The following ARHGAP26 variants were observed in gnomAD, a reference collection of about 807,000 sequenced individuals.
ARHGAP26 encodes Rho GTPase activating protein 26.
Under a neutral mutation model 104.8 loss-of-function variants are expected in ARHGAP26, and 38 were observed. The observed-to-expected ratio is 0.36, with a 90% CI of 0.28 to 0.48. ARHGAP26 has a LOEUF of 0.48. ARHGAP26 is among the 20% of genes least tolerant of loss of function. ARHGAP26 has a pLI of 0.99. For missense variants in ARHGAP26, 704 were observed against 947.9 expected (o/e 0.74, Z 3.38); for synonymous variants, 341 against 340.0 (o/e 1.00, Z -0.03).
intron 17 of ARHGAP26, among the ~76,000 whole-genome samples, chr5:143,100,425 A>G (rs1793051117): frequency 6.6e-6 from 1 of 152,222 alleles, no homozygotes. Context: ...TTGGCACCAT[A>G]AATCCTGGTA....
chr5:142,866,320 G>A (rs1754273296), intron 1 of ARHGAP26, among the ~76,000 whole-genome samples: 1 of 152,150 alleles, frequency 6.6e-6, no homozygotes, highest in Non-Finnish European at 1.5e-5. Context: ...TGGAGTCAGA[G>A]AGACCAAGTT....
intron 20 of ARHGAP26, among the ~76,000 whole-genome samples, chr5:143,165,776 G>A (rs1380545704): frequency 6.6e-6 from 1 of 152,164 alleles, no homozygotes; most frequent in African/African-American, 2.4e-5. Flanking sequence ...TGCATGATGT[G>A]TATTATTTAT....
chr5:142,926,831 C>T (rs532817077), intron 10 of ARHGAP26, among the ~76,000 whole-genome samples: 6 of 152,258 alleles, frequency 3.9e-5, no homozygotes, highest in African/African-American at 1.4e-4. Flanking sequence ...CCATACTTAC[C>T]ATCCTGTTCC....
Position 143,134,030 on chromosome 5 carries a change from A to C in ARHGAP26, c.1762A>C (p.Ser588Arg). Residue 588 changes from serine to arginine, a missense_variant, in exon 19 of 23, where the codon AGC (serine) becomes CGC (arginine). By Grantham distance (110) the Ser-to-Arg change is moderately radical. This residue lies in a region of ARHGAP26 where 217 missense variants were observed against 242.6 expected (regional missense o/e 0.89). Transcript: ENST00000645722. ...CCAGCTGCACCTGTCTCGGAAGAAG[A>C]GCAGTGACTCCAAGCCCCCGTCCTG... ...NAQLHLSRKK[S>R]SDSKPPSCSE... is the part of the protein sequence containing the mutation. 1 of 1,613,278 alleles carries C rather than the reference A, an allele frequency of 6.2e-7. No individual in the cohort carries two copies. Among genetic ancestry groups the C allele is most frequent in the Non-Finnish European group, 8.5e-7 (1 of 1,179,618 alleles).
chr5:142,936,145 A>ACACACACACC lies in ARHGAP26; in HGVS notation c.1107+4021_1107+4022insACACACACCC, dbSNP rs764972784. Among the ~76,000 whole-genome samples the ACACACACACC allele has an allele frequency of 5.4e-3, 811 of 149,440 alleles. 5 individuals are homozygous for ACACACACACC. The highest frequency in any genetic ancestry group is 9.6e-3 in the Non-Finnish European group (647 of 67,224). On this transcript the variant is annotated intron_variant, in intron 11 of 22. Transcript: ENST00000645722. ...CACACACACACACACACACACACAC[A>ACACACACACC]CCCCTTCTATAATTAGTAGGTGAGT...
chr5:142,914,983 T>A lies in ARHGAP26; in HGVS notation c.1028+1690T>A, dbSNP rs565401372. Among the ~76,000 whole-genome samples, 16 of 152,366 alleles carry A rather than the reference T, an allele frequency of 1.1e-4. 1 individual carries two copies. The highest frequency in any genetic ancestry group is 3.8e-4 in the African/African-American group (16 of 41,598). ...CTGCAGAGCTGCTTTGAAGAGGGCA[T>A]GCTTTGTGTTGCAGCTCTCTGTCAG... On this transcript the variant is annotated intron_variant, in intron 10 of 22. Coordinates refer to ENST00000645722, the MANE Select transcript of ARHGAP26 (RefSeq NM_001135608.3).
intron 20 of ARHGAP26, among the ~76,000 whole-genome samples, chr5:143,159,924 A>ATT (rs199761987): frequency 0.014 from 2,053 of 148,690 alleles, 26 homozygotes; most frequent in Non-Finnish European, 0.015. Context: ...GTGGTATGGG[A>ATT]TTTTTTTTTT....
intron 17 of ARHGAP26, among the ~76,000 whole-genome samples, chr5:143,072,915 C>T (rs1257858142): frequency 6.6e-6 from 1 of 152,040 alleles, no homozygotes; most frequent in African/African-American, 2.4e-5. Flanking sequence ...TGAACATTAA[C>T]AATGAATGTT....
At chr5:142,816,940 G>T (rs961693245) in intron 1 of ARHGAP26, among the ~76,000 whole-genome samples, 27 of 152,022 alleles carry the variant, frequency 1.8e-4, no homozygotes, top group Non-Finnish European at 1.3e-4. Context: ...GGAAGAAGAG[G>T]GCTTACGGAG....
intron 11 of ARHGAP26, among the ~76,000 whole-genome samples, chr5:143,008,729 G>A (rs1778340650): frequency 1.3e-5 from 2 of 152,170 alleles, no homozygotes; most frequent in Admixed American, 6.5e-5. Flanking sequence ...AAGTTAGATT[G>A]TTTTGTCAAA....
chr5:142,873,941 A>G (rs928009225), intron 2 of ARHGAP26, among the ~76,000 whole-genome samples: 1 of 152,246 alleles, frequency 6.6e-6, no homozygotes, highest in South Asian at 2.1e-4. Context: ...TACCATATAA[A>G]TTCAATTTAT....
chr5:143,188,534 T>C (rs1805469220), intron 20 of ARHGAP26, among the ~76,000 whole-genome samples: 1 of 152,216 alleles, frequency 6.6e-6, no homozygotes, highest in Non-Finnish European at 1.5e-5. Flanking sequence ...AATTTGAGTA[T>C]ATATAGTAGA....
chr5:142,840,790 C>G (rs1321371840), intron 1 of ARHGAP26, among the ~76,000 whole-genome samples: 1 of 152,158 alleles, frequency 6.6e-6, no homozygotes, highest in Non-Finnish European at 1.5e-5. Context: ...TCACAGAATC[C>G]TAGAATAAAA....
chr5:142,938,055 G>A (rs369277083), intron 11 of ARHGAP26, among the ~76,000 whole-genome samples: 1 of 152,110 alleles, frequency 6.6e-6, no homozygotes, highest in Admixed American at 6.6e-5. Flanking sequence ...ACACACAGAT[G>A]AACTCATGTC....
chr5:143,174,428 C>T (rs1029665280), intron 20 of ARHGAP26, among the ~76,000 whole-genome samples: 8 of 152,172 alleles, frequency 5.3e-5, no homozygotes, highest in Non-Finnish European at 1.0e-4. Context: ...TCCACCCACA[C>T]CAGCTTGCAA....
intron 17 of ARHGAP26, among the ~76,000 whole-genome samples, chr5:143,070,746 C>T (rs1788122631): frequency 6.6e-6 from 1 of 152,036 alleles, no homozygotes; most frequent in African/African-American, 2.4e-5. Context: ...TCCATTTCTA[C>T]TAAAAATACA....
chr5:143,075,120 ATAACTC>A (rs1483637971), intron 17 of ARHGAP26, among the ~76,000 whole-genome samples: 5 of 152,234 alleles, frequency 3.3e-5, no homozygotes, highest in Non-Finnish European at 7.3e-5. Context: ...CTTTTTAATT[ATAACTC>A]TAGAATTGTT....
intron 10 of ARHGAP26, among the ~76,000 whole-genome samples, chr5:142,929,918 G>T (rs1218560532): frequency 4.6e-5 from 7 of 152,210 alleles, no homozygotes; most frequent in Non-Finnish European, 7.3e-5. Flanking sequence ...CTCTAGGGCA[G>T]GGGGAACAGG....
chr5:142,936,611 C>G (rs1765454022), intron 11 of ARHGAP26, among the ~76,000 whole-genome samples: 1 of 152,022 alleles, frequency 6.6e-6, no homozygotes, highest in Non-Finnish European at 1.5e-5. Context: ...GTCTGTCTAC[C>G]CTATTTTAAG....
Sources: gnomAD v4.1 joint callset for allele counts (sites outside exome capture counted in the v4.1 genomes callset) on GRCh38, gnomAD v4.1.1 for gene constraint, gnomAD v4.1.1 regional missense constraint, MANE v1.5 for transcripts, NCBI Gene and HGNC (gene_info 2026-07-23, HGNC 2026-07-21) for gene names.